The following PODN variants were observed in gnomAD, a reference collection of about 807,000 sequenced individuals.
PODN encodes the protein podocan proteoglycan.
Under a neutral mutation model 52.7 loss-of-function variants are expected in PODN, and 40 were observed. That is an observed-to-expected ratio of 0.76 (90% CI 0.59 to 0.99). The LOEUF (loss-of-function observed/expected upper bound fraction) is 0.99, where lower values mean the gene tolerates loss of function less well. PODN is among the 50% of genes least tolerant of loss of function. PODN has a pLI of 0.00. For missense variants in PODN, 720 were observed against 815.1 expected (o/e 0.88, Z 1.42); for synonymous variants, 396 against 377.9 (o/e 1.05, Z -0.56).
chr1:53,080,713 T>C lies in PODN; in HGVS notation c.1513-15T>C. 6.2e-7 allele frequency: 1 copy of C among 1,612,520 alleles called. No homozygotes were observed. The highest frequency in any genetic ancestry group is 8.5e-7 in the Non-Finnish European group (1 of 1,179,242). On this transcript the variant is annotated splice_polypyrimidine_tract_variant and intron_variant, in intron 8 of 10. Coordinates refer to ENST00000312553, the MANE Select transcript of PODN (RefSeq NM_153703.5). ...CACAGGTGGGAGTCCCTGACTCCCT[T>C]GGTCACCCCTGCAGCTGCTGGACAT...
rs78086639 is a variant in PODN at position 53,070,685 on chromosome 1, C to A, written c.312+518C>A. Among the ~76,000 whole-genome samples the A allele has an allele frequency of 7.9e-3, 1,198 of 152,334 alleles. 92 individuals carry two copies. In the East Asian group the frequency reaches 0.18, roughly 23 times the overall value. ...CAGATGCACCCATCCTCGCCTTGTG[C>A]GGCCCAACAGCCCTAGGGAGACGGA... On this transcript the variant is annotated intron_variant, in intron 2 of 10. Transcript: ENST00000312553.
intron 6 of PODN, 54 bp from the exon 7 acceptor site, chr1:53,077,631 G>C (rs1459954742): frequency 2.0e-6 from 3 of 1,521,290 alleles, no homozygotes; most frequent in East Asian, 4.5e-5. Context: ...CCGAGGCCCT[G>C]ACCTTGCCCT....
At chr1:53,076,607 C>T in intron 5 of PODN, among the ~76,000 whole-genome samples, 1 of 152,076 alleles carries the variant, frequency 6.6e-6, no homozygotes, top group East Asian at 1.9e-4. Flanking sequence ...ACTGTTATGC[C>T]CTCAGTCTAG....
chr1:53,070,019 G>A lies in PODN; in HGVS notation c.164G>A (p.Ser55Asn). 3 of 1,612,848 alleles carry A rather than the reference G, an allele frequency of 1.9e-6. No homozygotes were observed. In the African/African-American group the frequency reaches 4.0e-5, roughly 21 times the overall value. Residue 55 changes from serine (S) to asparagine (N), a missense_variant, in exon 2 of 11, where the codon AGC (serine) becomes AAC (asparagine). Coordinates refer to ENST00000312553, the MANE Select transcript of PODN (RefSeq NM_153703.5). The part of the protein sequence containing the change: ...FAEEEPVLVL[S>N]PEEPGPGPAA... ...GAGGAGGAGCCGGTGCTGGTACTGAGCCCTGAGGAGCCCGGGCCTGGCCCA... is the reference window on the plus strand; with the variant it reads ...GAGGAGGAGCCGGTGCTGGTACTGAACCCTGAGGAGCCCGGGCCTGGCCCA...
intron 1 of PODN, among the ~76,000 whole-genome samples, chr1:53,069,145 C>A (rs138474139): frequency 3.0e-4 from 45 of 152,340 alleles, no homozygotes; most frequent in Admixed American, 5.2e-4. Flanking sequence ...TGGGTGAACA[C>A]AGTCATGGGG....
At chr1:53,062,865 C>T (rs1320218132) in intron 1 of PODN, among the ~76,000 whole-genome samples, 1 of 152,248 alleles carries the variant, frequency 6.6e-6, no homozygotes, top group East Asian at 1.9e-4. Flanking sequence ...GGCTCGGCTT[C>T]CCCGGCCACT....
chr1:53,067,908 C>T (rs1644055731), intron 1 of PODN, among the ~76,000 whole-genome samples: 1 of 126,432 alleles, frequency 7.9e-6, no homozygotes, highest in Middle Eastern at 3.9e-3. Context: ...AGAGTGAGGC[C>T]TTGTCTTAAA....
chr1:53,083,405 A>AG, intron 10 of PODN, among the ~76,000 whole-genome samples: 3 of 152,114 alleles, frequency 2.0e-5, no homozygotes, highest in Admixed American at 2.0e-4. Context: ...GCTGGCCTGG[A>AG]GGGGGAGTCA....
At chr1:53,078,317 G>A (rs773744393) in intron 7 of PODN, 48 bp from the exon 8 acceptor site, 79 of 1,532,214 alleles carry the variant, frequency 5.2e-5, no homozygotes, top group Non-Finnish European at 6.7e-5. Context: ...GTGGAAACGA[G>A]CACAATGTGG....
At chr1:53,077,416 G>T in intron 6 of PODN, 70 bp downstream of exon 6, 1 of 1,576,242 alleles carries the variant, frequency 6.3e-7, no homozygotes, top group South Asian at 1.2e-5. Flanking sequence ...GGGGCCTGCA[G>T]GGGAAGAGCT....
chr1:53,081,956 A>G, intron 9 of PODN, 25 bp from the exon 10 acceptor site: 33 of 1,571,954 alleles, frequency 2.1e-5, no homozygotes, highest in Non-Finnish European at 2.9e-5. Context: ...GGCTCCTGGC[A>G]TTGACTGCCT....
intron 10 of PODN, among the ~76,000 whole-genome samples, chr1:53,082,422 G>T (rs909938669): frequency 1.3e-5 from 2 of 152,206 alleles, no homozygotes; most frequent in African/African-American, 2.4e-5. Flanking sequence ...GCTGTCACGG[G>T]AGTGACCGGG....
At chr1:53,079,546 AC>A (rs1170286977) in intron 8 of PODN, among the ~76,000 whole-genome samples, 2 of 152,070 alleles carry the variant, frequency 1.3e-5, no homozygotes, top group Non-Finnish European at 2.9e-5. Context: ...GGCCCACCTC[AC>A]CAGTCTGCAG....
Position 53,078,767 on chromosome 1 carries a change from G to A in PODN, c.1257G>A (p.Pro419=), listed in dbSNP as rs1288388. 1,075,062 of 1,613,228 alleles carry A rather than the reference G, an allele frequency of 0.67. 373,951 individuals are homozygous for A. Among genetic ancestry groups the A allele is most frequent in the Non-Finnish European group, 0.72 (854,577 of 1,179,920 alleles). ...LNLSYNRITS[P]QVHRDAFRKL... is the part of the protein sequence containing the mutation. ...TCAGCTACAACCGCATCACCAGCCC[G>A]CAGGTGCACCGCGACGCCTTCCGCA... The change falls in exon 8 of 11, where the codon CCG becomes CCA. Residue 419 remains proline, a synonymous_variant. Coordinates refer to ENST00000312553, the MANE Select transcript of PODN (RefSeq NM_153703.5).
At chr1:53,077,394 G>T (rs1468599400) in intron 6 of PODN, 48 bp downstream of exon 6, 1 of 1,601,554 alleles carries the variant, frequency 6.2e-7, no homozygotes, top group South Asian at 1.1e-5. Flanking sequence ...CCACAGCCAG[G>T]GCACTGGGGC....
chr1:53,082,241 T>C, intron 10 of PODN, 53 bp downstream of exon 10: 1 of 1,430,396 alleles, frequency 7.0e-7, no homozygotes, highest in Admixed American at 2.6e-5. Context: ...ATTTTCCCCT[T>C]CCTGACCCTG....
chr1:53,080,385 AGT>A (rs1215244030), intron 8 of PODN, among the ~76,000 whole-genome samples: 2 of 152,254 alleles, frequency 1.3e-5, no homozygotes, highest in Non-Finnish European at 2.9e-5. Flanking sequence ...GGGAATGACA[AGT>A]GTGTCAGGAG....
chr1:53,078,283 C>T lies in PODN; in HGVS notation c.855-82C>T, dbSNP rs1644225829. 5 of 1,405,166 alleles carry T rather than the reference C, an allele frequency of 3.6e-6. No homozygotes were observed. The African/African-American group carries it at 5.7e-5, about 16-fold the overall frequency. 87.0% of individuals were successfully genotyped at this position (1,405,166 alleles called of 1,614,324 possible). Reference sequence around the variant, plus strand: ...CTGGGAGGAGCTAGTGGCAATTCCCCAGCCACATCTCTTGGGAATCATGGT... The same window carrying T: ...CTGGGAGGAGCTAGTGGCAATTCCCTAGCCACATCTCTTGGGAATCATGGT... On this transcript the variant is annotated intron_variant, in intron 7 of 10. Transcript: ENST00000312553.
Position 53,070,198 on chromosome 1 carries a change from G to A in PODN, c.312+31G>A, listed in dbSNP as rs533774619. ...GTCGGCGTTGCACCTGTGGTCACGG[G>A]GGCTGTCCCACACACCCTTGGTTCC... On this transcript the variant is annotated intron_variant, in intron 2 of 10. Transcript: ENST00000312553. 10 of 1,597,306 alleles carry A rather than the reference G, an allele frequency of 6.3e-6. No homozygotes were observed. The South Asian group carries it at 6.6e-5, about 11-fold the overall frequency.
Sources: allele counts gnomAD v4.1 joint callset (sites outside exome capture counted in the v4.1 genomes callset), GRCh38; gene constraint gnomAD v4.1.1; transcripts MANE v1.5; gene names NCBI Gene and HGNC (gene_info 2026-07-23, HGNC 2026-07-21).